Variants in PPP2R2B observed in about 807,000 individuals in gnomAD.
PPP2R2B encodes the protein serine/threonine-protein phosphatase 2A 55 kDa regulatory subunit B beta isoform.
Under a neutral mutation model 46.0 loss-of-function variants are expected in PPP2R2B, and 5 were observed. The ratio of observed to expected loss-of-function variants is 0.11; its 90% confidence interval spans 0.06 to 0.23. The LOEUF is 0.23. Among genes scored for constraint, PPP2R2B ranks in the 10% least tolerant of loss-of-function variants. The probability of loss-of-function intolerance (pLI) is 1.00; values close to 1 mark genes in which losing one functional copy is unlikely to be tolerated. For synonymous variants in PPP2R2B, 215 were observed against 206.7 expected, an observed-to-expected ratio of 1.04 and a Z score of -0.34; for missense variants, 367 against 575.0, an observed-to-expected ratio of 0.64 and a Z score of 3.70.
In PPP2R2B at chr5:147,022,766, G is replaced by A. The variant is rs145131892; in HGVS notation, c.79+32899C>T. 6.6e-3 allele frequency among the ~76,000 whole-genome samples: 1,008 copies of A among 151,978 alleles called. 11 individuals carry two copies. Among genetic ancestry groups the A allele is most frequent in the African/African-American group, 0.023 (959 of 41,466 alleles). On this transcript the variant is annotated intron_variant, in intron 1 of 8. Coordinates refer to the PPP2R2B transcript ENST00000336640. ...CACATTAAGAATTACCATTGACGTC[G>A]CATCATAAACAGAGCAAACCATAAG...
At chr5:146,973,137 A>G (rs1312892473) in intron 1 of PPP2R2B, among the ~76,000 whole-genome samples, 1 of 152,160 alleles carries the variant, frequency 6.6e-6, no homozygotes, top group Non-Finnish European at 1.5e-5. Context: ...GAGTTTATTT[A>G]GGTATAAAAA....
At chr5:146,978,445 A>G (rs944406989) in intron 1 of PPP2R2B, among the ~76,000 whole-genome samples, 1 of 152,156 alleles carries the variant, frequency 6.6e-6, no homozygotes, top group Admixed American at 6.5e-5. Flanking sequence ...GTCTCTGCCC[A>G]TGCTTATATC....
chr5:146,792,575 G>A lies in PPP2R2B; in HGVS notation c.70+85427C>T, dbSNP rs371734856. On this transcript the variant is annotated intron_variant, in intron 2 of 9. Transcript: ENST00000394411. Reference sequence around the variant, plus strand: ...AGGTGACTATGGGAAAGCAGAATAGGTTAATGCAGATCAGAAAGACTAAAG... The same window carrying A: ...AGGTGACTATGGGAAAGCAGAATAGATTAATGCAGATCAGAAAGACTAAAG... 5.4e-4 allele frequency among the ~76,000 whole-genome samples: 82 copies of A among 152,292 alleles called. No individual in the cohort carries two copies. In the South Asian group the frequency reaches 8.1e-3, roughly 15 times the overall value.
chr5:146,947,910 T>C (rs1222335247), intron 1 of PPP2R2B, among the ~76,000 whole-genome samples: 1 of 151,500 alleles, frequency 6.6e-6, no homozygotes, highest in Non-Finnish European at 1.5e-5. Context: ...ACTAATCACC[T>C]TTCATGTTCA....
chr5:146,975,056 A>G (rs185282109), intron 1 of PPP2R2B, among the ~76,000 whole-genome samples: 55 of 152,278 alleles, frequency 3.6e-4, no homozygotes, highest in African/African-American at 1.3e-3. Context: ...TGTACCATTT[A>G]AATACAAAGT....
intron 5 of PPP2R2B, among the ~76,000 whole-genome samples, chr5:146,687,531 GCCCT>G (rs891436246): frequency 2.0e-5 from 3 of 152,136 alleles, no homozygotes; most frequent in Admixed American, 6.5e-5. Context: ...TACCTGTCCT[GCCCT>G]CCTCATTGGC....
chr5:146,782,519 T>TG (rs148035054), intron 2 of PPP2R2B, among the ~76,000 whole-genome samples: 2,512 of 152,354 alleles, frequency 0.016, 36 homozygotes, highest in Admixed American at 0.029. Context: ...GCCTGAGTGA[T>TG]GACTACCTGA....
In PPP2R2B at chr5:146,848,028, C is replaced by T. The variant is rs959442024; in HGVS notation, c.70+29974G>A. On this transcript the variant is annotated intron_variant, in intron 2 of 9. Coordinates refer to ENST00000394411, the MANE Select transcript of PPP2R2B (RefSeq NM_181675.4). ...CAGGATTTAAAAGACAAGTTAGATG[C>T]CACATCATGTTTTTCCCAATAGCTG... Among the ~76,000 whole-genome samples, 9 of 152,292 alleles carry T rather than the reference C, an allele frequency of 5.9e-5. No homozygotes were observed. In the East Asian group the frequency reaches 9.6e-4, roughly 16 times the overall value.
At chr5:146,835,211 T>A (rs919841096) in intron 2 of PPP2R2B, among the ~76,000 whole-genome samples, 5 of 152,184 alleles carry the variant, frequency 3.3e-5, no homozygotes, top group African/African-American at 1.2e-4. Flanking sequence ...TTTGATGACT[T>A]AATAATAATT....
At chr5:146,966,338 A>T (rs1752406340) in intron 1 of PPP2R2B, among the ~76,000 whole-genome samples, 1 of 152,166 alleles carries the variant, frequency 6.6e-6, no homozygotes. Flanking sequence ...TCTTGTCCAC[A>T]CTGATTTCAG....
In PPP2R2B at chr5:146,723,655, T is replaced by G. The variant is rs564455299; in HGVS notation, c.71-22513A>C. The stretch of plus-strand genomic sequence containing the variant: ...AATCCAGACCTCCTTGCCCCAGTTT[T>G]CATTGTTCTTTACTGATTGGCCCAA... On this transcript the variant is annotated intron_variant, in intron 2 of 9. Transcript: ENST00000394411. Among the ~76,000 whole-genome samples, 5 of 152,304 alleles carry G rather than the reference T, an allele frequency of 3.3e-5. No individual in the cohort carries two copies. In the East Asian group the frequency reaches 9.7e-4, roughly 29 times the overall value.
intron 1 of PPP2R2B, among the ~76,000 whole-genome samples, chr5:146,897,753 A>C (rs1241245802): frequency 2.6e-5 from 4 of 152,236 alleles, no homozygotes; most frequent in Non-Finnish European, 5.9e-5. Flanking sequence ...AAAGGAGAAT[A>C]AACCTACAAT....
chr5:146,766,981 G>A (rs768383650), intron 2 of PPP2R2B, among the ~76,000 whole-genome samples: 6 of 148,894 alleles, frequency 4.0e-5, no homozygotes, highest in Non-Finnish European at 8.9e-5. Flanking sequence ...TTGAACCTGG[G>A]AGGCAGAGGT....
At chr5:146,619,594 C>CTCTAATTTT (rs542112405) in intron 7 of PPP2R2B, among the ~76,000 whole-genome samples, 116 of 152,328 alleles carry the variant, frequency 7.6e-4, no homozygotes, top group South Asian at 3.5e-3. Context: ...TTTTGAGGAA[C>CTCTAATTTT]TCTAATTTTT....
chr5:146,748,877 A>G (rs749367710), intron 2 of PPP2R2B, among the ~76,000 whole-genome samples: 5 of 152,212 alleles, frequency 3.3e-5, no homozygotes, highest in African/African-American at 7.2e-5. Flanking sequence ...TTGTGTGCAC[A>G]TACATTTTTT....
Position 146,590,416 on chromosome 5 carries a change from T to G in PPP2R2B, c.1053-190A>C, listed in dbSNP as rs1289278946. Among the ~76,000 whole-genome samples, 5 of 149,588 alleles carry G rather than the reference T, an allele frequency of 3.3e-5. No individual in the cohort carries two copies. The East Asian group carries it at 9.8e-4, about 29-fold the overall frequency. ...TTTTTGTGTTTTTTTTTTTTTTTTT[T>G]GAATCACTGAAAGCAATAGGATTTT... On this transcript the variant is annotated intron_variant, in intron 9 of 9. Transcript: ENST00000394411.
rs188856708 is a variant in PPP2R2B, at chr5:146,869,336, C to T, written c.70+8666G>A. Among the ~76,000 whole-genome samples, 401 of 152,294 alleles carry T rather than the reference C, an allele frequency of 2.6e-3. 1 individual carries two copies. The highest frequency in any genetic ancestry group is 9.3e-3 in the African/African-American group (385 of 41,550). On this transcript the variant is annotated intron_variant, in intron 2 of 9. Transcript: ENST00000394411. The stretch of plus-strand genomic sequence containing the variant: ...GGACATTTAAACAAAAACACATATA[C>T]ACAGATAATCACTGCAGCATCTTAT...
chr5:147,044,206 G>T (rs755221612), intron 1 of PPP2R2B, among the ~76,000 whole-genome samples: 5 of 152,024 alleles, frequency 3.3e-5, no homozygotes, highest in Non-Finnish European at 7.4e-5. Flanking sequence ...TGTGGAAAGG[G>T]CCTCAGGTTT....
chr5:146,718,768 G>A (rs1304711980), intron 2 of PPP2R2B, among the ~76,000 whole-genome samples: 3 of 152,170 alleles, frequency 2.0e-5, no homozygotes, highest in Non-Finnish European at 2.9e-5. Context: ...CTGACCCAGT[G>A]AACTATTTCA....
Sources: allele counts gnomAD v4.1 joint callset (sites outside exome capture counted in the v4.1 genomes callset), GRCh38; gene constraint gnomAD v4.1.1; transcripts MANE v1.5; gene names NCBI Gene and HGNC (gene_info 2026-07-23, HGNC 2026-07-21).